The following PDCD11 variants were observed in gnomAD, a reference collection of about 807,000 sequenced individuals.
PDCD11 encodes the protein protein RRP5 homolog.
In PDCD11, 97 loss-of-function variants were observed where a neutral mutation model predicts 198.9. The observed-to-expected ratio is 0.49, with a 90% confidence interval of 0.41 to 0.58. PDCD11 has a LOEUF of 0.58. Ranked by LOEUF, PDCD11 falls within the 20% of genes least tolerant of loss-of-function variation. The pLI is 0.00. For missense variants in PDCD11, 2,102 were observed against 2,312.7 expected (o/e 0.91, Z 1.87); for synonymous variants, 893 against 918.0 (o/e 0.97, Z 0.49).
Position 103,417,918 on chromosome 10 carries a change from A to T in PDCD11, c.1897A>T (p.Ile633Phe). 1 of 1,614,166 alleles carries T rather than the reference A, an allele frequency of 6.2e-7. No individual in the cohort carries two copies. The highest frequency in any genetic ancestry group is 8.5e-7 in the Non-Finnish European group (1 of 1,180,026). ...AGHSQKKGKA[I>F]NIGQLVDVKV... ...ACACAGTCAGAAGAAAGGAAAAGCC[A>T]TTAACATTGGGCAGGTACGTGGACT... The change falls in exon 14 of 36, where the codon ATT (isoleucine) becomes TTT (phenylalanine). Residue 633 changes from isoleucine (I) to phenylalanine (F), a missense_variant. Transcript: ENST00000369797.
At chr10:103,443,861 T>C in intron 33 of PDCD11, 54 bp from the exon 34 acceptor site, 2 of 1,571,570 alleles carry the variant, frequency 1.3e-6, no homozygotes, top group Admixed American at 3.4e-5. Flanking sequence ...CTTGTCTGTC[T>C]TGTCCCCTCT....
rs762475234 is a variant in PDCD11 at position 103,427,326 on chromosome 10, C to T, written c.3306-3C>T. 1 of 1,612,474 alleles carries T rather than the reference C, an allele frequency of 6.2e-7. No individual in the cohort carries two copies. The highest frequency in any genetic ancestry group is 8.5e-7 in the Non-Finnish European group (1 of 1,178,694). ...AAATGATTCAGCTTATTTGTTTCTC[C>T]AGGTATCTCCCAATAAGTCACCCCA... is the stretch of plus-strand genomic sequence containing the variant. On this transcript the variant is annotated splice_region_variant and splice_polypyrimidine_tract_variant and intron_variant, in intron 20 of 35. Transcript: ENST00000369797.
rs967105844 is a variant in PDCD11 at position 103,417,886 on chromosome 10, C to G, written c.1865C>G (p.Pro622Arg). Residue 622 changes from proline to arginine, a missense_variant, in exon 14 of 36, where the codon CCT becomes CGT. By Grantham distance (103) the Pro-to-Arg change is moderately radical. Transcript: ENST00000369797. ...AGTGATCCAGAGCCAAAGAAAGAGC[C>G]TGCAGGACACAGTCAGAAGAAAGGA... ...LSSDPEPKKE[P>R]AGHSQKKGKA... 3.7e-6 allele frequency: 6 copies of G among 1,614,184 alleles called. No individual in the cohort carries two copies. The highest frequency in any genetic ancestry group is 1.7e-5 in the Admixed American group (1 of 60,024).
chr10:103,432,495 A>G lies in PDCD11; in HGVS notation c.3474+261A>G, dbSNP rs370496902. On this transcript the variant is annotated intron_variant, in intron 22 of 35. Transcript: ENST00000369797. ...ATTGTAGAAATGGAAAGTAAAATAC[A>G]TGGCAAGATTTAGAATATAAATGTA... is the stretch of plus-strand genomic sequence containing the variant. Among the ~76,000 whole-genome samples the G allele has an allele frequency of 5.3e-5, 8 of 152,248 alleles. No homozygotes were observed. In the East Asian group the frequency reaches 9.6e-4, roughly 18 times the overall value.
chr10:103,397,933 C>T (rs2093445745), intron 1 of PDCD11, among the ~76,000 whole-genome samples: 1 of 152,206 alleles, frequency 6.6e-6, no homozygotes, highest in Admixed American at 6.5e-5. Flanking sequence ...ATCTTTTACC[C>T]TTAAGCTAAA....
chr10:103,432,163 C>T lies in PDCD11; in HGVS notation c.3403C>T (p.His1135Tyr), dbSNP rs775099228. The T allele has an allele frequency of 6.2e-7, 1 of 1,614,028 alleles. No homozygotes were observed. The change falls in exon 22 of 36, where the codon CAC becomes TAC. Residue 1135 changes from histidine to tyrosine, a missense_variant. His to Tyr is a moderately conservative substitution (Grantham distance 83). Transcript: ENST00000369797. ...GGATGGCCACACTGCTCTTAACACT[C>T]ACTCTGTTAGCCCCATGGAGAAGAT... ...LEDGHTALNT[H>Y]SVSPMEKIKQ...
In PDCD11 at chr10:103,442,319, C is replaced by T. The variant is rs142228884; in HGVS notation, c.4814C>T (p.Ala1605Val). Residue 1605 changes from alanine to valine, a missense_variant, in exon 32 of 36, where the codon GCG becomes GTG. Ala to Val is a moderately conservative substitution (Grantham distance 64). Coordinates refer to ENST00000369797, the MANE Select transcript of PDCD11 (RefSeq NM_014976.2). ...LMDPGRQPES[A>V]DDFDRLVLSS... ...GATCCTGGGCGGCAGCCAGAGTCCG[C>T]GGATGATTTTGACCGACTGGTGCTG... The T allele has an allele frequency of 4.6e-5, 74 of 1,614,240 alleles. No individual in the cohort carries two copies. Among genetic ancestry groups the T allele is most frequent in the African/African-American group, 1.3e-4 (10 of 75,062 alleles).
chr10:103,436,030 C>CTT (rs912238769), intron 25 of PDCD11, among the ~76,000 whole-genome samples: 19 of 137,394 alleles, frequency 1.4e-4, no homozygotes, highest in African/African-American at 3.7e-4. Context: ...TTGTTTTTTT[C>CTT]TTTTTTTTTT....
intron 33 of PDCD11, 103 bp downstream of exon 33, chr10:103,443,436 C>G (rs79478408): frequency 2.8e-6 from 3 of 1,058,204 alleles, no homozygotes; most frequent in African/African-American, 3.2e-5. Context: ...AGCTTGCCAC[C>G]CAACATCGGG....
At chr10:103,442,967 C>T (rs909199417) in intron 32 of PDCD11, among the ~76,000 whole-genome samples, 198 bp from the exon 33 acceptor site, 25 of 152,328 alleles carry the variant, frequency 1.6e-4, no homozygotes, top group African/African-American at 6.0e-4. Flanking sequence ...GCCTCAGACT[C>T]AGCCATTGGG....
rs1232727471 is a variant in PDCD11, at chr10:103,434,436, G to A, written c.3667+86G>A. The A allele has an allele frequency of 3.5e-6, 3 of 847,794 alleles. No homozygotes were observed. In the East Asian group the frequency reaches 7.3e-5, roughly 21 times the overall value. 52.5% of individuals were successfully genotyped at this position (847,794 alleles called of 1,614,324 possible). On this transcript the variant is annotated intron_variant, in intron 24 of 35. Coordinates refer to ENST00000369797, the MANE Select transcript of PDCD11 (RefSeq NM_014976.2). ...TTTTCAGCTATTGCTTGAGTTGGAG[G>A]ACCCCTTCGGTATTGGAATCCTCAG... is the stretch of plus-strand genomic sequence containing the variant.
Position 103,396,700 on chromosome 10 carries a change from G to C in PDCD11, c.-42G>C, listed in dbSNP as rs1197325583. 2 of 152,624 alleles carry C rather than the reference G, an allele frequency of 1.3e-5. No individual in the cohort carries two copies. Among genetic ancestry groups the C allele is most frequent in the Non-Finnish European group, 2.9e-5 (2 of 68,366 alleles). 9.5% of individuals were successfully genotyped at this position (152,624 alleles called of 1,614,324 possible). On this transcript the variant is annotated 5_prime_UTR_variant, in exon 1 of 36. Transcript: ENST00000369797. ...GTGTGAGTACCGCGGCGCGAGGTTA[G>C]TGGTAGCTGGGTGCAGACGCCGTGG...
intron 13 of PDCD11, 64 bp from the exon 14 acceptor site, chr10:103,417,728 C>A: frequency 6.4e-7 from 1 of 1,559,854 alleles, no homozygotes; most frequent in Non-Finnish European, 8.7e-7. Context: ...TAGTGGAGGG[C>A]ACGTTGCAGG....
At position 103,423,061 on chromosome 10, in the gene PDCD11, GGAA is replaced by G; in HGVS notation, c.2574_2576del (p.Glu858del). 1 of 1,606,972 alleles carries G rather than the reference GGAA, an allele frequency of 6.2e-7. No individual in the cohort carries two copies. The highest frequency in any genetic ancestry group is 8.5e-7 in the Non-Finnish European group (1 of 1,176,346). ...TTGACCTAGTGGTGCAGGAGGTGTT[GGAA>G]GATGGCTCTGTGGTATTCAGTGGGG... On this transcript the variant is annotated inframe_deletion, in exon 18 of 36. Transcript: ENST00000369797.
chr10:103,426,406 CTAAA>C (rs763167850), intron 20 of PDCD11, among the ~76,000 whole-genome samples: 6 of 152,176 alleles, frequency 3.9e-5, no homozygotes, highest in Non-Finnish European at 7.3e-5. Context: ...CAATTATCCT[CTAAA>C]TAAAGACCTC....
intron 9 of PDCD11, 38 bp from the exon 10 acceptor site, chr10:103,413,928 T>C: frequency 6.4e-7 from 1 of 1,570,700 alleles, no homozygotes; most frequent in Non-Finnish European, 8.6e-7. Flanking sequence ...TCAGACCTGT[T>C]GTCCCTGGCT....
intron 15 of PDCD11, among the ~76,000 whole-genome samples, chr10:103,419,226 C>T (rs1000125660): frequency 2.6e-5 from 4 of 152,046 alleles, no homozygotes; most frequent in African/African-American, 9.7e-5. Flanking sequence ...TTTTGGTGTC[C>T]TCTAGTAATC....
At chr10:103,402,573 G>A (rs1374099167) in intron 3 of PDCD11, among the ~76,000 whole-genome samples, 1 of 151,866 alleles carries the variant, frequency 6.6e-6, no homozygotes, top group Non-Finnish European at 1.5e-5. Flanking sequence ...TGAGTAGCTG[G>A]AATTACAGGC....
chr10:103,417,777 G>T lies in PDCD11; in HGVS notation c.1771-15G>T. On this transcript the variant is annotated splice_polypyrimidine_tract_variant and intron_variant, in intron 13 of 35. Transcript: ENST00000369797. ...GCTGGGAGGAGTTGGCCAAGCCTGT[G>T]TGGTTTCTTGCCAGGTGGTGAAGGT... 6.2e-7 allele frequency: 1 copy of T among 1,612,896 alleles called. No individual in the cohort carries two copies. The highest frequency in any genetic ancestry group is 8.5e-7 in the Non-Finnish European group (1 of 1,179,644).
Sources: allele counts gnomAD v4.1 joint callset (sites outside exome capture counted in the v4.1 genomes callset), GRCh38; gene constraint gnomAD v4.1.1; transcripts MANE v1.5; gene names NCBI Gene and HGNC (gene_info 2026-07-23, HGNC 2026-07-21).